TMTC4: variants seen among roughly 807,000 people sequenced by gnomAD.
TMTC4 encodes transmembrane O-mannosyltransferase targeting cadherins 4.
In TMTC4, 65 loss-of-function variants were observed where a neutral mutation model predicts 86.0. The observed-to-expected ratio is 0.76, with a 90% CI of 0.62 to 0.93. The LOEUF (loss-of-function observed/expected upper bound fraction) is 0.93, where lower values mean the gene tolerates loss of function less well. Ranked by LOEUF, TMTC4 falls within the 40% of genes least tolerant of loss-of-function variation. The probability of loss-of-function intolerance (pLI) is 0.00; values close to 1 mark genes in which losing one functional copy is unlikely to be tolerated. For synonymous variants in TMTC4, 379 were observed against 382.5 expected (o/e 0.99, Z 0.11); for missense variants, 866 against 948.1 (o/e 0.91, Z 1.14).
chr13:100,666,831 A>C (rs927707093), intron 3 of TMTC4, among the ~76,000 whole-genome samples: 7 of 152,150 alleles, frequency 4.6e-5, no homozygotes, highest in African/African-American at 1.2e-4. Flanking sequence ...CTACAAAAAA[A>C]TTTTAAAAGT....
chr13:100,632,174 C>T (rs747725101), intron 12 of TMTC4, among the ~76,000 whole-genome samples: 23 of 151,906 alleles, frequency 1.5e-4, no homozygotes, highest in Non-Finnish European at 2.9e-4. Flanking sequence ...AATCACTTCC[C>T]GGGCAGATTT....
At chr13:100,674,457 C>A in intron 1 of TMTC4, 1 of 910,432 alleles carries the variant, frequency 1.1e-6, no homozygotes, top group Non-Finnish European at 1.3e-6. Flanking sequence ...GCGACCTCTG[C>A]CCGGGCGGAG....
Position 100,670,449 on chromosome 13 carries a change from G to A in TMTC4, c.-87C>T, listed in dbSNP as rs1886944267. The A allele has an allele frequency of 6.2e-6, 9 of 1,455,984 alleles. No individual in the cohort carries two copies. The highest frequency in any genetic ancestry group is 4.2e-4 in the Middle Eastern group (2 of 4,790). 90.2% of individuals were successfully genotyped at this position (1,455,984 alleles called of 1,614,324 possible). A position where few individuals can be genotyped will look rare whatever the true frequency, so the allele number is the denominator to read the frequency against. On this transcript the variant is annotated 5_prime_UTR_variant, in exon 2 of 19. Transcript: ENST00000342624. ...TGAAACAGGCCGCAACTCTTCCACTGCTTGTCTCTCGAGCCTCACAGCCTG... is the reference window on the plus strand; with the variant it reads ...TGAAACAGGCCGCAACTCTTCCACTACTTGTCTCTCGAGCCTCACAGCCTG...
intron 12 of TMTC4, among the ~76,000 whole-genome samples, chr13:100,631,845 A>G (rs1355478717): frequency 6.6e-6 from 1 of 152,190 alleles, no homozygotes; most frequent in Non-Finnish European, 1.5e-5. Flanking sequence ...TTCAAAAAAA[A>G]GGAAGTAAAG....
chr13:100,645,095 A>G lies in TMTC4; in HGVS notation c.641-2784T>C, dbSNP rs575805228. On this transcript the variant is annotated intron_variant, in intron 6 of 18. Transcript: ENST00000342624. ...CCAAAGTGCTGGGATTACAGGCGTG[A>G]GCCACTGCACCCGGCCTGAACATTC... Among the ~76,000 whole-genome samples, 650 of 152,318 alleles carry G rather than the reference A, an allele frequency of 4.3e-3. 7 individuals carry two copies. The highest frequency in any genetic ancestry group is 0.015 in the African/African-American group (632 of 41,580).
At chr13:100,653,554 T>C (rs1202328988) in intron 6 of TMTC4, among the ~76,000 whole-genome samples, 2 of 152,066 alleles carry the variant, frequency 1.3e-5, no homozygotes, top group Non-Finnish European at 2.9e-5. Context: ...CACAGGGGAC[T>C]CCCCCAAGTA....
Position 100,656,532 on chromosome 13 carries a change from G to A in TMTC4, c.553-64C>T. 5.3e-6 allele frequency: 4 copies of A among 747,954 alleles called. No homozygotes were observed. In the South Asian group the frequency reaches 8.1e-5, roughly 15 times the overall value. 46.3% of individuals were successfully genotyped at this position (747,954 alleles called of 1,614,324 possible). ...CACATTTAAGGAAATCCTAAACTTA[G>A]GAGACATAACTTTTTTTTTTTTTTT... On this transcript the variant is annotated intron_variant, in intron 5 of 18. Coordinates refer to ENST00000342624, the MANE Select transcript of TMTC4 (RefSeq NM_032813.5).
chr13:100,642,229 C>T lies in TMTC4; in HGVS notation c.723G>A (p.Glu241=). The T allele has an allele frequency of 1.9e-6, 3 of 1,614,224 alleles. No homozygotes were observed. The highest frequency in any genetic ancestry group is 2.5e-6 in the Non-Finnish European group (3 of 1,180,036). Residue 241 remains glutamate, a synonymous_variant, in exon 7 of 19, where the codon GAG becomes GAA. Coordinates refer to ENST00000342624, the MANE Select transcript of TMTC4 (RefSeq NM_032813.5). ...FLGAVAMLCK[E]QGITVLGLNA... ...CTCTCACCAGCACAGTGATCCCTTG[C>T]TCTTTGCACAGCATGGCCACTGCTC...
intron 9 of TMTC4, among the ~76,000 whole-genome samples, chr13:100,637,017 T>C (rs1882318862): frequency 6.6e-6 from 1 of 152,222 alleles, no homozygotes; most frequent in Non-Finnish European, 1.5e-5. Flanking sequence ...GCCTGAAGCC[T>C]GTGACCTCTA....
In TMTC4 at chr13:100,656,474, A is replaced by G. The variant is rs771426366; in HGVS notation, c.553-6T>C. On this transcript the variant is annotated splice_polypyrimidine_tract_variant and splice_region_variant and intron_variant, in intron 5 of 18. Coordinates refer to ENST00000342624, the MANE Select transcript of TMTC4 (RefSeq NM_032813.5). ...CGGCCGACAACACCAGCAACCTTAA[A>G]AAAGGGGGAAGAAAACAAAGAATTA... is the stretch of plus-strand genomic sequence containing the variant. The G allele has an allele frequency of 1.2e-6, 2 of 1,600,400 alleles. No homozygotes were observed. The highest frequency in any genetic ancestry group is 1.7e-6 in the Non-Finnish European group (2 of 1,175,426).
rs1242246568 is a variant in TMTC4, at chr13:100,604,094, G to A, written c.*900C>T. 6.6e-6 allele frequency: 1 copy of A among 152,634 alleles called. No individual in the cohort carries two copies. The highest frequency in any genetic ancestry group is 1.5e-5 in the Non-Finnish European group (1 of 68,046). 9.5% of individuals were successfully genotyped at this position (152,634 alleles called of 1,614,324 possible). A position where few individuals can be genotyped will look rare whatever the true frequency, so the allele number is the denominator to read the frequency against. On this transcript the variant is annotated 3_prime_UTR_variant, in exon 19 of 19. Coordinates refer to ENST00000342624, the MANE Select transcript of TMTC4 (RefSeq NM_032813.5). ...TAAAAATACCACGAATTCCCCGAAT[G>A]TGGCTCCATTTGATAGAAAATTTTG...
chr13:100,656,417 A>G lies in TMTC4; in HGVS notation c.604T>C (p.Leu202=). The change falls in exon 6 of 19, where the codon TTA becomes CTA. Residue 202 remains leucine, a synonymous_variant. Transcript: ENST00000342624. ...GCTTTACAGTAGCCAAGGAAAGATA[A>G]CAAGAAGAACAGGGCACACAGGAGG... ...ADLLCALFFL[L]SFLGYCKAFR... is the part of the protein sequence containing the mutation. 1 of 1,613,502 alleles carries G rather than the reference A, an allele frequency of 6.2e-7. No individual in the cohort carries two copies. The highest frequency in any genetic ancestry group is 8.5e-7 in the Non-Finnish European group (1 of 1,179,794).
intron 6 of TMTC4, among the ~76,000 whole-genome samples, chr13:100,643,914 G>A (rs1407691216): frequency 2.0e-5 from 3 of 152,034 alleles, no homozygotes; most frequent in Non-Finnish European, 4.4e-5. Flanking sequence ...CAAATACACC[G>A]TGACTCTCAT....
chr13:100,625,375 A>T, intron 15 of TMTC4, 160 bp downstream of exon 15: 2 of 1,003,248 alleles, frequency 2.0e-6, no homozygotes, highest in Non-Finnish European at 2.9e-6. Flanking sequence ...TTAAAAAATT[A>T]CTCAAAAGGA....
intron 1 of TMTC4, among the ~76,000 whole-genome samples, chr13:100,671,332 T>C (rs573263290): frequency 8.5e-5 from 13 of 152,330 alleles, no homozygotes; most frequent in South Asian, 8.3e-4. Context: ...TTGAAAATTA[T>C]TTCACAAACG....
intron 4 of TMTC4, among the ~76,000 whole-genome samples, chr13:100,664,018 A>G (rs1886110687): frequency 6.6e-6 from 1 of 152,122 alleles, no homozygotes; most frequent in Admixed American, 6.5e-5. Flanking sequence ...AATATGAAAC[A>G]CCACCAATGT....
intron 9 of TMTC4, among the ~76,000 whole-genome samples, chr13:100,637,263 G>C (rs907875312): frequency 1.3e-5 from 2 of 151,822 alleles, no homozygotes; most frequent in Non-Finnish European, 2.9e-5. Flanking sequence ...GCCCTTTCAC[G>C]GGACTGGCAA....
chr13:100,639,402 A>C (rs1310454526), intron 7 of TMTC4, among the ~76,000 whole-genome samples: 1 of 152,186 alleles, frequency 6.6e-6, no homozygotes, highest in Non-Finnish European at 1.5e-5. Context: ...ACTTTCTAGA[A>C]GGCAGATGCT....
At position 100,604,301 on chromosome 13, in the gene TMTC4, C is replaced by T. The variant is rs1208848009; in HGVS notation, c.*693G>A. The T allele has an allele frequency of 2.6e-5, 4 of 152,658 alleles. No homozygotes were observed. Among genetic ancestry groups the T allele is most frequent in the Non-Finnish European group, 4.4e-5 (3 of 68,028 alleles). 9.5% of individuals were successfully genotyped at this position (152,658 alleles called of 1,614,324 possible). A position where few individuals can be genotyped will look rare whatever the true frequency, so the allele number is the denominator to read the frequency against. Reference sequence around the variant, plus strand: ...GCTTGAACTTTCAATTGATAGTAACCGCTTATGTAAAATATTACATTACAT... The same window carrying T: ...GCTTGAACTTTCAATTGATAGTAACTGCTTATGTAAAATATTACATTACAT... On this transcript the variant is annotated 3_prime_UTR_variant, in exon 19 of 19. Transcript: ENST00000342624.
Sources: allele counts gnomAD v4.1 joint callset (sites outside exome capture counted in the v4.1 genomes callset), GRCh38; gene constraint gnomAD v4.1.1; transcripts MANE v1.5; gene names NCBI Gene and HGNC (gene_info 2026-07-23, HGNC 2026-07-21).